The following MAN1B1 variants were observed in gnomAD, a reference collection of about 807,000 sequenced individuals.
MAN1B1 encodes mannosidase alpha class 1B member 1, also known as endoplasmic reticulum mannosyl-oligosaccharide 1,2-alpha-mannosidase.
MAN1B1 carries 66 observed loss-of-function variants against 75.5 expected under a neutral mutation model. The ratio of observed to expected loss-of-function variants is 0.87; its 90% CI spans 0.72 to 1.07. The LOEUF is 1.07. MAN1B1 is among the 50% of genes least tolerant of loss of function. The pLI, the probability that MAN1B1 is intolerant of heterozygous loss-of-function variation, is 0.00. For synonymous variants in MAN1B1, 453 were observed against 382.8 expected (o/e 1.18, Z -2.14); for missense variants, 973 against 912.5 (o/e 1.07, Z -0.85).
At chr9:137,098,047 C>T in intron 5 of MAN1B1, 110 bp downstream of exon 5, 1 of 795,898 alleles carries the variant, frequency 1.3e-6, no homozygotes, top group Non-Finnish European at 2.1e-6. Context: ...TGGTGTGCAC[C>T]TTGCCCTTCA....
rs780022683 is a variant in MAN1B1 at position 137,099,854 on chromosome 9, A to T, written c.889A>T (p.Thr297Ser). The change falls in exon 6 of 13, where the codon ACC (threonine) becomes TCC (serine). Residue 297 changes from threonine (T) to serine (S), a missense_variant. Thr to Ser is a moderately conservative substitution (Grantham distance 58, BLOSUM62 1). Coordinates refer to ENST00000371589, the MANE Select transcript of MAN1B1 (RefSeq NM_016219.5). ...TCTCACACTGATCGACGCGCTGGAC[A>T]CCATGTGGATCTTGGGTCTGAGGAA... ...LGLTLIDALD[T>S]MWILGLRKEF... The T allele has an allele frequency of 6.2e-7, 1 of 1,614,062 alleles. No individual in the cohort carries two copies. The highest frequency in any genetic ancestry group is 8.5e-7 in the Non-Finnish European group (1 of 1,180,044).
rs373259904 is a variant in MAN1B1, at chr9:137,089,015, G to A, written c.465+10G>A. 8.1e-6 allele frequency: 13 copies of A among 1,613,784 alleles called. No individual in the cohort carries two copies. The highest frequency in any genetic ancestry group is 3.3e-4 in the Middle Eastern group (2 of 6,080). ...TGAGATTTCGTCACAGGTACTTTGAGCAAATGGTGTGGGGTTATAACTGGG... is the reference window on the plus strand; with the variant it reads ...TGAGATTTCGTCACAGGTACTTTGAACAAATGGTGTGGGGTTATAACTGGG... On this transcript the variant is annotated intron_variant, in intron 3 of 12. Coordinates refer to ENST00000371589, the MANE Select transcript of MAN1B1 (RefSeq NM_016219.5).
At chr9:137,102,286 CACT>C in intron 8 of MAN1B1, 1 of 399,586 alleles carries the variant, frequency 2.5e-6, no homozygotes, top group Admixed American at 2.7e-5. Flanking sequence ...TACACACATT[CACT>C]GTTGCAGGCG....
At chr9:137,105,896 G>A (rs955007678) in intron 8 of MAN1B1, 19 of 677,388 alleles carry the variant, frequency 2.8e-5, no homozygotes, top group African/African-American at 3.5e-5. Context: ...GTGACCACCC[G>A]TTGGGAGCAG....
At chr9:137,102,821 G>T in intron 8 of MAN1B1, 1 of 448,888 alleles carries the variant, frequency 2.2e-6, no homozygotes, top group Non-Finnish European at 4.5e-6. Flanking sequence ...CGTGCAGGTC[G>T]GTGGTGTTAC....
chr9:137,090,724 G>T (rs539090414), intron 3 of MAN1B1, among the ~76,000 whole-genome samples: 1 of 152,152 alleles, frequency 6.6e-6, no homozygotes, highest in East Asian at 1.9e-4. Flanking sequence ...ATTTTTAATA[G>T]AGACGTGTTT....
chr9:137,091,332 A>C (rs942237899), intron 3 of MAN1B1, among the ~76,000 whole-genome samples: 1 of 152,032 alleles, frequency 6.6e-6, no homozygotes, highest in Non-Finnish European at 1.5e-5. Context: ...GGGGTGGTGG[A>C]TGGTGAATAT....
intron 3 of MAN1B1, chr9:137,089,234 G>A (rs1830459350): frequency 3.3e-6 from 2 of 599,152 alleles, no homozygotes; most frequent in Admixed American, 2.5e-5. Context: ...TGACTGTGCA[G>A]TGTTGAATAA....
chr9:137,101,595 A>G lies in MAN1B1; in HGVS notation c.1177A>G (p.Ser393Gly). The change falls in exon 8 of 13, where the codon AGC becomes GGC. Residue 393 changes from serine to glycine, a missense_variant. Physicochemically the swap from Ser to Gly is moderately conservative, Grantham distance 56 (BLOSUM62 0). Coordinates refer to ENST00000371589, the MANE Select transcript of MAN1B1 (RefSeq NM_016219.5). ...CCACCCGCCACGGTGGACCTCCGAC[A>G]GCACTGTGGCCGAGGTGACCAGCAT... ...VAHPPRWTSD[S>G]TVAEVTSIQL... is the part of the protein sequence containing the mutation. 1.9e-6 allele frequency: 3 copies of G among 1,613,884 alleles called. No individual in the cohort carries two copies. Among genetic ancestry groups the G allele is most frequent in the Non-Finnish European group, 2.5e-6 (3 of 1,180,036 alleles).
intron 7 of MAN1B1, 60 bp from the exon 8 acceptor site, chr9:137,101,424 G>A: frequency 1.3e-6 from 2 of 1,500,074 alleles, no homozygotes; most frequent in Non-Finnish European, 1.9e-6. Context: ...TGCATGAAAG[G>A]GTGTAGACGA....
intron 5 of MAN1B1, among the ~76,000 whole-genome samples, chr9:137,098,282 G>A (rs1830711655): frequency 6.6e-6 from 1 of 152,242 alleles, no homozygotes; most frequent in Non-Finnish European, 1.5e-5. Context: ...TTCATTCTCA[G>A]CACCGTTTGT....
chr9:137,101,654 A>G lies in MAN1B1; in HGVS notation c.1236A>G (p.Thr412=), dbSNP rs754708614. The G allele has an allele frequency of 6.8e-6, 11 of 1,612,604 alleles. No individual in the cohort carries two copies. The African/African-American group carries it at 1.5e-4, about 22-fold the overall frequency. ...QLEFRELSRL[T]GDKKFQEAVE... ...AGTTCCGGGAGCTCTCCCGTCTCACAGGGGATAAGAAGTTTCAGGTAAGGG... is the reference window on the plus strand; with the variant it reads ...AGTTCCGGGAGCTCTCCCGTCTCACGGGGGATAAGAAGTTTCAGGTAAGGG... Residue 412 remains threonine, a synonymous_variant, in exon 8 of 13, where the codon ACA becomes ACG. Coordinates refer to ENST00000371589, the MANE Select transcript of MAN1B1 (RefSeq NM_016219.5).
At chr9:137,102,423 G>C in intron 8 of MAN1B1, 9 of 429,640 alleles carry the variant, frequency 2.1e-5, no homozygotes, top group South Asian at 1.5e-4. Context: ...GTGCAGGTTG[G>C]TGGTGTTACA....
At chr9:137,102,629 T>TA (rs1554754753) in intron 8 of MAN1B1, 2 of 428,446 alleles carry the variant, frequency 4.7e-6, no homozygotes, top group Non-Finnish European at 9.1e-6. Flanking sequence ...TCGGTGGTGT[T>TA]ACATTCACGC....
intron 5 of MAN1B1, 75 bp downstream of exon 5, chr9:137,098,012 GCCATGGTGGGTGGCGCCCCCGCC>G: frequency 8.4e-7 from 1 of 1,190,076 alleles, no homozygotes; most frequent in Non-Finnish European, 1.2e-6. Flanking sequence ...CTTCGTCTCA[GCCATGGTGGGTGGCGCCCCCGCC>G]CTGGTGTGCA....
In MAN1B1 at chr9:137,087,017, C is replaced by T. The variant is rs748924159; in HGVS notation, c.18C>T (p.Gly6=). The stretch of plus-strand genomic sequence containing the variant: ...GCGCTGCGATGGCTGCCTGCGAGGG[C>T]AGGAGAAGCGGAGCTCTCGGTTCCT... The part of the protein sequence containing the change: MAACE[G]RRSGALGSSQ... Residue 6 remains glycine, a synonymous_variant, in exon 1 of 13, where the codon GGC becomes GGT. Coordinates refer to ENST00000371589, the MANE Select transcript of MAN1B1 (RefSeq NM_016219.5). 2 of 1,599,802 alleles carry T rather than the reference C, an allele frequency of 1.3e-6. No homozygotes were observed. Among genetic ancestry groups the T allele is most frequent in the Non-Finnish European group, 8.5e-7 (1 of 1,175,128 alleles).
intron 5 of MAN1B1, among the ~76,000 whole-genome samples, chr9:137,098,688 G>A (rs534439528): frequency 5.9e-5 from 9 of 152,190 alleles, no homozygotes; most frequent in East Asian, 3.9e-4. Context: ...GTTTGGTGCC[G>A]TTACACACGT....
At chr9:137,108,288 G>C in intron 12 of MAN1B1, 100 bp from the exon 13 acceptor site, 1 of 1,082,880 alleles carries the variant, frequency 9.2e-7, no homozygotes, top group Non-Finnish European at 1.4e-6. Flanking sequence ...GCTTGCGCTG[G>C]GGGCCACATT....
At position 137,106,693 on chromosome 9, in the gene MAN1B1, C is replaced by T; in HGVS notation, c.1450C>T (p.Leu484=). The change falls in exon 10 of 13, where the codon CTG becomes TTG. Residue 484 remains leucine, a synonymous_variant. Transcript: ENST00000371589. ...IQGGKQETQL[L]EDYVEAIEGV... ...GATGACTGCTGGTGTCCACAGGCTG[C>T]TGGAAGACTACGTGGAAGCCATCGA... 2 of 1,613,432 alleles carry T rather than the reference C, an allele frequency of 1.2e-6. No individual in the cohort carries two copies. The highest frequency in any genetic ancestry group is 2.2e-5 in the East Asian group (1 of 44,886).
Sources: gnomAD v4.1 joint callset for allele counts (sites outside exome capture counted in the v4.1 genomes callset) on GRCh38, gnomAD v4.1.1 for gene constraint, MANE v1.5 for transcripts, NCBI Gene and HGNC (gene_info 2026-07-23, HGNC 2026-07-21) for gene names.